DCT: variants seen among roughly 807,000 people sequenced by gnomAD.
DCT encodes L-dopachrome tautomerase.
DCT carries 47 observed loss-of-function variants against 53.0 expected under a neutral mutation model. The ratio of observed to expected loss-of-function variants is 0.89; its 90% CI spans 0.70 to 1.13. DCT has a LOEUF of 1.13. DCT is among the 50% of genes most tolerant of loss of function. The pLI is 0.00. For synonymous variants in DCT, 244 were observed against 237.0 expected (o/e 1.03, Z -0.27); for missense variants, 669 against 637.4 (o/e 1.05, Z -0.53).
the DCT span, among the ~76,000 whole-genome samples, chr13:94,531,616 C>A: frequency 6.6e-6 from 1 of 152,164 alleles, no homozygotes; most frequent in East Asian, 1.9e-4. Context: ...GGATCCCTTC[C>A]TTACATCATA....
upstream of DCT, among the ~76,000 whole-genome samples, chr13:94,479,955 T>C (rs1162472501): frequency 6.6e-6 from 1 of 152,210 alleles, no homozygotes; most frequent in Middle Eastern, 3.2e-3. Flanking sequence ...CAGTGAGCTC[T>C]TCGTCAAAGA....
chr13:94,461,711 A>G (rs1213765126), intron 5 of DCT, among the ~76,000 whole-genome samples: 3 of 152,214 alleles, frequency 2.0e-5, no homozygotes, highest in South Asian at 2.1e-4. Flanking sequence ...AAAAAACACT[A>G]TATTTAATGA....
At chr13:94,485,883 C>A in the DCT span, among the ~76,000 whole-genome samples, 1 of 152,176 alleles carries the variant, frequency 6.6e-6, no homozygotes. Flanking sequence ...TTGTGAAGTG[C>A]TCAATGTCAT....
At chr13:94,452,968 G>A (rs143821609) in intron 6 of DCT, among the ~76,000 whole-genome samples, 4 of 151,960 alleles carry the variant, frequency 2.6e-5, no homozygotes, top group Admixed American at 1.3e-4. Flanking sequence ...GTGATAATAC[G>A]GACTTCATTT....
the DCT span, among the ~76,000 whole-genome samples, chr13:94,494,701 CAG>C: frequency 1.3e-5 from 2 of 152,210 alleles, no homozygotes; most frequent in East Asian, 3.9e-4. Flanking sequence ...GTTAAAGAAA[CAG>C]AAGCAGAAAG....
chr13:94,535,605 C>T, the DCT span, among the ~76,000 whole-genome samples: 35 of 152,306 alleles, frequency 2.3e-4, no homozygotes, highest in African/African-American at 7.7e-4. Flanking sequence ...TATAGCAGAA[C>T]CCATGAGGCC....
chr13:94,477,476 T>C (rs1400019168), intron 1 of DCT, among the ~76,000 whole-genome samples: 1 of 122,472 alleles, frequency 8.2e-6, no homozygotes, highest in African/African-American at 3.1e-5. Context: ...CAATAGGCAC[T>C]GGGGACTGCT....
At chr13:94,504,331 T>C in the DCT span, among the ~76,000 whole-genome samples, 1 of 152,192 alleles carries the variant, frequency 6.6e-6, no homozygotes, top group Non-Finnish European at 1.5e-5. Context: ...ACAACTTTGG[T>C]GGTGCTGGGG....
Position 94,439,883 on chromosome 13 carries a change from T to C in DCT, c.*15A>G. 6.2e-7 allele frequency: 1 copy of C among 1,601,652 alleles called. No homozygotes were observed. On this transcript the variant is annotated 3_prime_UTR_variant, in exon 8 of 8. Transcript: ENST00000377028. ...GGCTTGGCCAGCCTCTTCTCTTAGG[T>C]AAGGCATGAGCACCCTAGGCTTCTT... is the stretch of plus-strand genomic sequence containing the variant.
chr13:94,454,998 A>G (rs1274131464), intron 6 of DCT, among the ~76,000 whole-genome samples: 1 of 152,214 alleles, frequency 6.6e-6, no homozygotes, highest in Non-Finnish European at 1.5e-5. Flanking sequence ...AAGATGATTA[A>G]ATGTCTTATA....
chr13:94,519,713 G>A, the DCT span, among the ~76,000 whole-genome samples: 1 of 152,240 alleles, frequency 6.6e-6, no homozygotes, highest in African/African-American at 2.4e-5. Context: ...CTTGAGAAAA[G>A]GTATGGTAGA....
the DCT span, among the ~76,000 whole-genome samples, chr13:94,509,797 G>T: frequency 6.6e-6 from 1 of 152,172 alleles, no homozygotes; most frequent in Non-Finnish European, 1.5e-5. Flanking sequence ...TTAACACAGT[G>T]CCTGGCTTAT....
chr13:94,447,739 A>G (rs977795074), intron 6 of DCT, among the ~76,000 whole-genome samples: 1 of 152,222 alleles, frequency 6.6e-6, no homozygotes, highest in African/African-American at 2.4e-5. Context: ...AAGAGACAAG[A>G]GACTATCAGG....
At chr13:94,488,717 AAT>A in the DCT span, among the ~76,000 whole-genome samples, 246 of 91,518 alleles carry the variant, frequency 2.7e-3, no homozygotes, top group East Asian at 0.018. Flanking sequence ...CTTCTTGTCT[AAT>A]ATATACACAC....
At chr13:94,514,373 C>T in the DCT span, among the ~76,000 whole-genome samples, 3 of 152,348 alleles carry the variant, frequency 2.0e-5, no homozygotes, top group African/African-American at 7.2e-5. Context: ...GTCTGAACCC[C>T]TTCCTCTTGT....
rs1284438209 is a variant in DCT at position 94,438,852 on chromosome 13, G to A, written c.*1046C>T. 2 of 309,790 alleles carry A rather than the reference G, an allele frequency of 6.5e-6. No homozygotes were observed. Among genetic ancestry groups the A allele is most frequent in the Middle Eastern group, 1.1e-3 (1 of 922 alleles). The allele number at this position is 309,790 out of a possible 1,614,324, so 19.2% of individuals were successfully genotyped here. A position where few individuals can be genotyped will look rare whatever the true frequency, so the allele number is the denominator to read the frequency against. ...GATCAGCATTCATAAGTAACTGTGA[G>A]TATTCGGCAACATTAATCAATCTAA... On this transcript the variant is annotated 3_prime_UTR_variant, in exon 8 of 8. Transcript: ENST00000377028.
the DCT span, among the ~76,000 whole-genome samples, chr13:94,501,221 AT>A: frequency 6.6e-6 from 1 of 152,176 alleles, no homozygotes; most frequent in Non-Finnish European, 1.5e-5. Flanking sequence ...GTGAACGGAG[AT>A]CGCACCACTG....
chr13:94,497,900 A>ATGCATGCAC, the DCT span, among the ~76,000 whole-genome samples: 1 of 151,592 alleles, frequency 6.6e-6, no homozygotes, highest in Non-Finnish European at 1.5e-5. Context: ...GTGTACACAC[A>ATGCATGCAC]TGCATGCACA....
chr13:94,469,893 G>A (rs1260116947), intron 1 of DCT, among the ~76,000 whole-genome samples: 1 of 152,140 alleles, frequency 6.6e-6, no homozygotes, highest in Non-Finnish European at 1.5e-5. Flanking sequence ...TGGCCAACAT[G>A]GTGAAACCTC....
Sources: allele counts gnomAD v4.1 joint callset (sites outside exome capture counted in the v4.1 genomes callset), GRCh38; gene constraint gnomAD v4.1.1; transcripts MANE v1.5; gene names NCBI Gene and HGNC (gene_info 2026-07-23, HGNC 2026-07-21).